The following KIF2A variants were observed in gnomAD, a reference collection of about 807,000 sequenced individuals.
KIF2A encodes the protein kinesin family member 2A, also known as kinesin-like protein KIF2A.
In KIF2A, 22 loss-of-function variants were observed where a neutral mutation model predicts 100.2. The ratio of observed to expected loss-of-function variants is 0.22; its 90% CI spans 0.16 to 0.31. The LOEUF (loss-of-function observed/expected upper bound fraction) is 0.31, where lower values mean the gene tolerates loss of function less well. Among genes scored for constraint, KIF2A ranks in the 10% least tolerant of loss-of-function variants. The pLI is 1.00. For missense variants in KIF2A, 495 were observed against 898.7 expected (o/e 0.55, Z 5.74); for synonymous variants, 268 against 285.9 (o/e 0.94, Z 0.63).
At chr5:62,336,838 G>A (rs1746979059) in intron 1 of KIF2A, among the ~76,000 whole-genome samples, 1 of 152,118 alleles carries the variant, frequency 6.6e-6, no homozygotes, top group Admixed American at 6.6e-5. Context: ...AACGAAGTCA[G>A]GTTTATTCTT....
rs957626112 is a variant in KIF2A, at chr5:62,390,113, A to G, written c.*4544A>G. On this transcript the variant is annotated 3_prime_UTR_variant, in exon 21 of 21. Coordinates refer to ENST00000407818, the MANE Select transcript of KIF2A (RefSeq NM_001098511.3). ...AGTCAAACCAATGACTTTTAGAACA[A>G]TCTACTCTCATTTTTTATTCAGCCT... is the stretch of plus-strand genomic sequence containing the variant. Among the ~76,000 whole-genome samples the G allele has an allele frequency of 7.2e-5, 11 of 152,328 alleles. No homozygotes were observed. The highest frequency in any genetic ancestry group is 3.3e-4 in the Admixed American group (5 of 15,296).
rs1745252754 is a variant in KIF2A at position 62,306,227 on chromosome 5, C to T, written c.-246C>T. On this transcript the variant is annotated 5_prime_UTR_variant, in exon 1 of 21. It adds an upstream start codon to the 5' untranslated region. Transcript: ENST00000407818. Reference sequence around the variant, plus strand: ...TCCCACTCTACCCCGCGCCGTCTCACGGCCCCGGCCCTAGCTTCACCCCGA... The same window carrying T: ...TCCCACTCTACCCCGCGCCGTCTCATGGCCCCGGCCCTAGCTTCACCCCGA... The T allele has an allele frequency of 2.2e-6, 1 of 462,752 alleles. No homozygotes were observed. 28.7% of individuals were successfully genotyped at this position (462,752 alleles called of 1,614,324 possible).
chr5:62,375,911 AAACT>A (rs1462504773), intron 18 of KIF2A, among the ~76,000 whole-genome samples: 1 of 152,226 alleles, frequency 6.6e-6, no homozygotes, highest in Non-Finnish European at 1.5e-5. Context: ...AACCTGGTTC[AAACT>A]AAGAGTTCTA....
Position 62,306,472 on chromosome 5 carries a change from G to A in KIF2A, c.-1G>A. ...CCGCTGCTGCTGCTCCAGATGAGGT[G>A]ATGGCAACGGCCAACTTCGGCAAGA... On this transcript the variant is annotated 5_prime_UTR_variant, in exon 1 of 21. Coordinates refer to ENST00000407818, the MANE Select transcript of KIF2A (RefSeq NM_001098511.3). The A allele has an allele frequency of 2.6e-6, 4 of 1,545,220 alleles. No homozygotes were observed. The highest frequency in any genetic ancestry group is 1.7e-6 in the Non-Finnish European group (2 of 1,144,640).
At chr5:62,323,661 G>C (rs1476332801) in intron 1 of KIF2A, among the ~76,000 whole-genome samples, 2 of 152,168 alleles carry the variant, frequency 1.3e-5, no homozygotes, top group Non-Finnish European at 2.9e-5. Context: ...GTGGCAGTGG[G>C]ATTGGCCATA....
At chr5:62,375,003 A>G (rs971315977) in intron 18 of KIF2A, among the ~76,000 whole-genome samples, 1 of 152,242 alleles carries the variant, frequency 6.6e-6, no homozygotes, top group Non-Finnish European at 1.5e-5. Context: ...TATGCACTAT[A>G]TTAAAATCAA....
intron 1 of KIF2A, among the ~76,000 whole-genome samples, chr5:62,322,861 T>TG (rs1746169166): frequency 9.1e-6 from 1 of 109,380 alleles, no homozygotes; most frequent in Non-Finnish European, 2.2e-5. Flanking sequence ...TTATGGTTTT[T>TG]GGGTTTTTTT....
In KIF2A at chr5:62,323,524, A is replaced by C. The variant is rs181947053; in HGVS notation, c.64+16988A>C. The stretch of plus-strand genomic sequence containing the variant: ...GGCGACAGAGCGAGACTCTGTCTCA[A>C]AGAAAAAAAAAAAAAAGAAGAATGT... On this transcript the variant is annotated intron_variant, in intron 1 of 20. Transcript: ENST00000407818. Among the ~76,000 whole-genome samples the C allele has an allele frequency of 3.1e-3, 472 of 151,796 alleles. 4 individuals carry two copies. Among genetic ancestry groups the C allele is most frequent in the African/African-American group, 0.011 (451 of 41,422 alleles).
At chr5:62,350,005 A>G (rs1312876191) in intron 3 of KIF2A, 61 bp from the exon 4 acceptor site, 1 of 1,090,024 alleles carries the variant, frequency 9.2e-7, no homozygotes, top group Non-Finnish European at 1.3e-6. Flanking sequence ...AGAAGCTCAG[A>G]TCATGATACA....
At chr5:62,306,613 C>T in intron 1 of KIF2A, 77 bp downstream of exon 1, 2 of 1,206,506 alleles carry the variant, frequency 1.7e-6, no homozygotes, top group South Asian at 1.4e-5. Context: ...GGGCGCCGGC[C>T]GCCTCATTGA....
At chr5:62,334,437 G>C (rs560167573) in intron 1 of KIF2A, among the ~76,000 whole-genome samples, 12 of 151,470 alleles carry the variant, frequency 7.9e-5, no homozygotes, top group African/African-American at 2.9e-4. Context: ...CCTCTTCCTT[G>C]GCCCACCATG....
intron 1 of KIF2A, among the ~76,000 whole-genome samples, chr5:62,309,695 T>C (rs563464537): frequency 1.8e-4 from 27 of 152,330 alleles, no homozygotes; most frequent in Non-Finnish European, 2.2e-4. Flanking sequence ...TTGATGTTTT[T>C]CTTTTGGCTT....
chr5:62,308,506 C>T lies in KIF2A; in HGVS notation c.64+1970C>T, dbSNP rs985790895. 22 of 715,878 alleles carry T rather than the reference C, an allele frequency of 3.1e-5. No homozygotes were observed. The Middle Eastern group carries it at 1.1e-3, about 37-fold the overall frequency. The allele number at this position is 715,878 out of a possible 1,614,324, so 44.3% of individuals were successfully genotyped here. The stretch of plus-strand genomic sequence containing the variant: ...ATAGGGAAGCAACCTAAATGTCCAT[C>T]GATGGGTGAGGAATGGCTAAAGAAA... On this transcript the variant is annotated intron_variant, in intron 1 of 20. Transcript: ENST00000407818.
chr5:62,348,133 C>T lies in KIF2A; in HGVS notation c.245C>T (p.Pro82Leu). 6.2e-7 allele frequency: 1 copy of T among 1,613,818 alleles called. No homozygotes were observed. Among genetic ancestry groups the T allele is most frequent in the Non-Finnish European group, 8.5e-7 (1 of 1,179,826 alleles). ...CCCAGTCCAGAAACACCTCCACCTC[C>T]AGCATCCTCAGCCAAAGTAAACAAA... ...IEPSPETPPP[P>L]ASSAKVNKIV... Residue 82 changes from proline (P) to leucine (L), a missense_variant, in exon 3 of 21, where the codon CCA becomes CTA. Coordinates refer to ENST00000407818, the MANE Select transcript of KIF2A (RefSeq NM_001098511.3).
chr5:62,346,629 A>G (rs1242218044), intron 1 of KIF2A, among the ~76,000 whole-genome samples: 2 of 152,150 alleles, frequency 1.3e-5, no homozygotes, highest in Non-Finnish European at 2.9e-5. Context: ...AATCTCAGCT[A>G]CTTAGGAGGC....
chr5:62,325,114 G>GCTTTT (rs200212876), intron 1 of KIF2A, among the ~76,000 whole-genome samples: 108 of 151,958 alleles, frequency 7.1e-4, no homozygotes, highest in African/African-American at 2.3e-3. Flanking sequence ...CTGTTGTAAA[G>GCTTTT]CTTTTCTTTT....
Position 62,343,559 on chromosome 5 carries a change from C to T in KIF2A, c.65-3571C>T, listed in dbSNP as rs77088078. Reference sequence around the variant, plus strand: ...TAGGTCATTGAAAGGACTTTAGCTTCTACTCTGTGTGAGATGGGGGAGTCA... The same window carrying T: ...TAGGTCATTGAAAGGACTTTAGCTTTTACTCTGTGTGAGATGGGGGAGTCA... On this transcript the variant is annotated intron_variant, in intron 1 of 20. Coordinates refer to ENST00000407818, the MANE Select transcript of KIF2A (RefSeq NM_001098511.3). 1.1e-3 allele frequency among the ~76,000 whole-genome samples: 162 copies of T among 152,268 alleles called. 2 individuals are homozygous for T. In the East Asian group the frequency reaches 0.025, roughly 23 times the overall value.
At chr5:62,376,303 A>C (rs991118435) in intron 18 of KIF2A, among the ~76,000 whole-genome samples, 1 of 152,164 alleles carries the variant, frequency 6.6e-6, no homozygotes, top group Non-Finnish European at 1.5e-5. Context: ...CCTTTAGTTA[A>C]GTATTGGTGC....
At chr5:62,325,941 G>A (rs545107064) in intron 1 of KIF2A, among the ~76,000 whole-genome samples, 3 of 152,112 alleles carry the variant, frequency 2.0e-5, no homozygotes, top group East Asian at 3.9e-4. Flanking sequence ...GGTAAATACC[G>A]GACACAAAGA....
Sources: gnomAD v4.1 joint callset for allele counts (sites outside exome capture counted in the v4.1 genomes callset) on GRCh38, gnomAD v4.1.1 for gene constraint, MANE v1.5 for transcripts, NCBI Gene and HGNC (gene_info 2026-07-23, HGNC 2026-07-21) for gene names.